Variants in DCLK2 observed in about 807,000 individuals in gnomAD.
The protein encoded by DCLK2 is serine/threonine-protein kinase DCLK2.
In DCLK2, 31 loss-of-function variants were observed where a neutral mutation model predicts 78.4. That is an observed-to-expected ratio of 0.40 (90% CI 0.30 to 0.53). The LOEUF (loss-of-function observed/expected upper bound fraction) is 0.53. DCLK2 is among the 20% of genes least tolerant of loss of function. DCLK2 has a pLI of 0.61. For synonymous variants in DCLK2, 407 were observed against 374.9 expected (o/e 1.09, Z -0.99); for missense variants, 872 against 973.7 (o/e 0.90, Z 1.39).
At chr4:150,084,214 C>A (rs368298736) in intron 1 of DCLK2, among the ~76,000 whole-genome samples, 5 of 152,306 alleles carry the variant, frequency 3.3e-5, no homozygotes, top group African/African-American at 2.4e-5. Context: ...TGAGAGAAGC[C>A]TGAGGTCAGG....
intron 2 of DCLK2, among the ~76,000 whole-genome samples, chr4:150,149,528 G>A (rs1734740212): frequency 6.6e-6 from 1 of 152,150 alleles, no homozygotes; most frequent in African/African-American, 2.4e-5. Context: ...AATCAGCAAG[G>A]TTTTATTGCA....
chr4:150,172,863 G>A (rs1187512482), intron 2 of DCLK2, among the ~76,000 whole-genome samples: 2 of 148,350 alleles, frequency 1.3e-5, no homozygotes, highest in Non-Finnish European at 1.5e-5. Context: ...CCCTTTCCTT[G>A]TCGTAGGAAT....
chr4:150,252,015 G>C (rs964817990), intron 15 of DCLK2, among the ~76,000 whole-genome samples: 1 of 152,082 alleles, frequency 6.6e-6, no homozygotes, highest in Non-Finnish European at 1.5e-5. Context: ...CTTTGGGGGC[G>C]CTCTGTGCCA....
At chr4:150,085,643 G>A (rs1729585677) in intron 1 of DCLK2, among the ~76,000 whole-genome samples, 1 of 152,092 alleles carries the variant, frequency 6.6e-6, no homozygotes, top group Non-Finnish European at 1.5e-5. Flanking sequence ...AATCATAAAG[G>A]CAGAGACTTC....
intron 2 of DCLK2, among the ~76,000 whole-genome samples, chr4:150,165,927 G>A (rs921677627): frequency 1.3e-5 from 2 of 152,084 alleles, no homozygotes; most frequent in African/African-American, 4.8e-5. Context: ...TATAAAGTGA[G>A]TCTGGCGCCT....
Position 150,194,445 on chromosome 4 carries a change from G to T in DCLK2, c.859+1205G>T, listed in dbSNP as rs568592647. Among the ~76,000 whole-genome samples the T allele has an allele frequency of 1.4e-4, 21 of 152,180 alleles. No homozygotes were observed. In the South Asian group the frequency reaches 4.1e-3, roughly 30 times the overall value. On this transcript the variant is annotated intron_variant, in intron 3 of 15. Coordinates refer to ENST00000296550, the MANE Select transcript of DCLK2 (RefSeq NM_001040260.4). ...TATTTAGAAAGAAAGCTATTTCTTT[G>T]GTGAGATGAAAAAATCCCCTTTTGC... is the stretch of plus-strand genomic sequence containing the variant.
At chr4:150,118,279 T>C (rs911317864) in intron 2 of DCLK2, among the ~76,000 whole-genome samples, 2 of 151,452 alleles carry the variant, frequency 1.3e-5, no homozygotes, top group African/African-American at 4.9e-5. Context: ...TTTTAGGTTT[T>C]AGAGTGATGC....
intron 2 of DCLK2, among the ~76,000 whole-genome samples, chr4:150,150,096 G>A (rs1411817730): frequency 6.6e-6 from 1 of 152,024 alleles, no homozygotes; most frequent in Non-Finnish European, 1.5e-5. Flanking sequence ...CATTTAATGG[G>A]AAGTTTAACT....
chr4:150,199,041 C>G, intron 4 of DCLK2: 1 of 1,594,628 alleles, frequency 6.3e-7, no homozygotes, highest in Non-Finnish European at 8.5e-7. Flanking sequence ...AGCGGGGTGG[C>G]CACTACTCCA....
intron 2 of DCLK2, 125 bp downstream of exon 2, chr4:150,102,937 TTGTGTGTGTGTGTGTATG>T: frequency 1.2e-6 from 1 of 848,886 alleles, no homozygotes; most frequent in African/African-American, 1.9e-5. Flanking sequence ...ATACTTGAGA[TTGTGTGTGTGTGTGTATG>T]TGTGTGTGTG....
chr4:150,218,060 TCTCTCTCG>T (rs1740867852), intron 5 of DCLK2, among the ~76,000 whole-genome samples: 1 of 149,828 alleles, frequency 6.7e-6, no homozygotes, highest in Admixed American at 6.6e-5. Flanking sequence ...ACTCTCGCTC[TCTCTCTCG>T]CTCTCTCTCT....
intron 2 of DCLK2, among the ~76,000 whole-genome samples, chr4:150,117,875 A>G (rs183484124): frequency 4.3e-4 from 65 of 152,252 alleles, no homozygotes; most frequent in African/African-American, 1.5e-3. Context: ...ATCACCACAC[A>G]CTATTTTGTC....
At chr4:150,245,702 C>CT (rs1337594807) in intron 12 of DCLK2, among the ~76,000 whole-genome samples, 1 of 152,100 alleles carries the variant, frequency 6.6e-6, no homozygotes, top group Non-Finnish European at 1.5e-5. Context: ...TGAACTCATC[C>CT]TTTTTTATGA....
rs147877579 is a variant in DCLK2, at chr4:150,143,540, GA to G, written c.756+40729del. Reference sequence around the variant, plus strand: ...AATGCAGGTGCCTTTTTAATATAATGATTTTTTTTCCTTTGGATAGACATCT... The same window carrying G: ...AATGCAGGTGCCTTTTTAATATAATGTTTTTTTTCCTTTGGATAGACATCT... On this transcript the variant is annotated intron_variant, in intron 2 of 15. Coordinates refer to ENST00000296550, the MANE Select transcript of DCLK2 (RefSeq NM_001040260.4). Among the ~76,000 whole-genome samples the G allele has an allele frequency of 7.6e-3, 1,158 of 152,202 alleles. 8 individuals are homozygous for G. Among genetic ancestry groups the G allele is most frequent in the Non-Finnish European group, 0.012 (822 of 67,984 alleles).
chr4:150,246,713 T>C (rs562226288), intron 12 of DCLK2, among the ~76,000 whole-genome samples: 4 of 152,012 alleles, frequency 2.6e-5, no homozygotes, highest in Admixed American at 1.3e-4. Context: ...ATATGGGAGG[T>C]TGGGGACGTC....
At chr4:150,200,778 TC>T (rs796122678) in intron 4 of DCLK2, among the ~76,000 whole-genome samples, 7 of 152,308 alleles carry the variant, frequency 4.6e-5, no homozygotes, top group African/African-American at 1.7e-4. Flanking sequence ...TCAACAAAAC[TC>T]TGTCAGAATA....
At chr4:150,100,837 G>T (rs1274093707) in intron 1 of DCLK2, among the ~76,000 whole-genome samples, 1 of 152,222 alleles carries the variant, frequency 6.6e-6, no homozygotes, top group Admixed American at 6.5e-5. Flanking sequence ...AACGGTGGTG[G>T]TTGGGCTAGA....
intron 2 of DCLK2, among the ~76,000 whole-genome samples, chr4:150,165,363 A>T (rs750663665): frequency 1.1e-4 from 16 of 151,772 alleles, no homozygotes; most frequent in Admixed American, 2.0e-4. Context: ...AATTTTATAT[A>T]CAATAACTGC....
intron 2 of DCLK2, among the ~76,000 whole-genome samples, chr4:150,152,316 C>A (rs187626815): frequency 2.0e-5 from 3 of 152,272 alleles, no homozygotes; most frequent in African/African-American, 7.2e-5. Context: ...TGGGATCTCA[C>A]TGTTGCCCAA....
Sources: allele counts gnomAD v4.1 joint callset (sites outside exome capture counted in the v4.1 genomes callset), GRCh38; gene constraint gnomAD v4.1.1; transcripts MANE v1.5; gene names NCBI Gene and HGNC (gene_info 2026-07-23, HGNC 2026-07-21).